The following TLK1 variants were observed in gnomAD, a reference collection of about 807,000 sequenced individuals.
TLK1 encodes tousled like kinase 1, also known as serine/threonine-protein kinase tousled-like 1.
In TLK1, 24 loss-of-function variants were observed where a neutral mutation model predicts 105.3. That is an observed-to-expected ratio of 0.23 (90% CI 0.17 to 0.32). The LOEUF is 0.32. Ranked by LOEUF, TLK1 falls within the 10% of genes least tolerant of loss-of-function variation. TLK1 has a pLI of 1.00. For missense variants in TLK1, 558 were observed against 910.5 expected (o/e 0.61, Z 4.98); for synonymous variants, 321 against 310.4 (o/e 1.03, Z -0.36).
In TLK1 at chr2:170,992,663, CTTGA is replaced by C. The variant is rs1292989479; in HGVS notation, c.*1113_*1116del. 1.3e-5 allele frequency: 2 copies of C among 152,540 alleles called. No individual in the cohort carries two copies. Among genetic ancestry groups the C allele is most frequent in the East Asian group, 1.9e-4 (1 of 5,198 alleles). 9.4% of individuals were successfully genotyped at this position (152,540 alleles called of 1,614,324 possible). A position where few individuals can be genotyped will look rare whatever the true frequency, so the allele number is the denominator to read the frequency against. On this transcript the variant is annotated 3_prime_UTR_variant, in exon 21 of 21. Transcript: ENST00000431350. Reference sequence around the variant, plus strand: ...TGTCCAACATGGATCACTTTTACATCTTGATTGTTAATGACTGTCTGCTTTTTAA... The same window carrying C: ...TGTCCAACATGGATCACTTTTACATCTTGTTAATGACTGTCTGCTTTTTAA...
At chr2:171,103,718 T>C (rs937987454) in intron 2 of TLK1, among the ~76,000 whole-genome samples, 5 of 152,214 alleles carry the variant, frequency 3.3e-5, no homozygotes, top group Admixed American at 2.6e-4. Flanking sequence ...TCTTATATAA[T>C]AGCAGATAAA....
chr2:171,144,489 T>C (rs924056403), intron 1 of TLK1, among the ~76,000 whole-genome samples: 9 of 152,070 alleles, frequency 5.9e-5, no homozygotes, highest in Admixed American at 1.3e-4. Context: ...CTGATCACAA[T>C]AGAATTAAAT....
chr2:171,073,877 C>CA lies in TLK1; in HGVS notation c.330+8903_330+8904insT, dbSNP rs1553472998. Among the ~76,000 whole-genome samples the CA allele has an allele frequency of 4.6e-4, 43 of 92,650 alleles. 1 individual carries two copies. Among genetic ancestry groups the CA allele is most frequent in the African/African-American group, 1.3e-3 (42 of 33,362 alleles). 60.8% of individuals were successfully genotyped at this position (92,650 alleles called of 152,430 possible). A position where few individuals can be genotyped will look rare whatever the true frequency, so the allele number is the denominator to read the frequency against. On this transcript the variant is annotated intron_variant, in intron 3 of 20. Coordinates refer to ENST00000431350, the MANE Select transcript of TLK1 (RefSeq NM_012290.5). Reference sequence around the variant, plus strand: ...GAAGAGAATAAACTTAACATTCCCCCCCCCCCTCCTTTTTTTTTCTTTCTT... The same window carrying CA: ...GAAGAGAATAAACTTAACATTCCCCCACCCCCCTCCTTTTTTTTTCTTTCTT...
At chr2:171,096,928 G>A (rs1221854430) in intron 2 of TLK1, among the ~76,000 whole-genome samples, 1 of 152,146 alleles carries the variant, frequency 6.6e-6, no homozygotes, top group Non-Finnish European at 1.5e-5. Context: ...TACAGATTCA[G>A]TGTAATCCTA....
At chr2:171,004,030 C>A (rs1292289335) in intron 18 of TLK1, among the ~76,000 whole-genome samples, 1 of 152,118 alleles carries the variant, frequency 6.6e-6, no homozygotes, top group Non-Finnish European at 1.5e-5. Flanking sequence ...TCTCAGCTCA[C>A]TGCAACCTCT....
At chr2:171,030,636 ACTG>A (rs1486468140) in intron 11 of TLK1, among the ~76,000 whole-genome samples, 2 of 152,210 alleles carry the variant, frequency 1.3e-5, no homozygotes, top group Admixed American at 1.3e-4. Context: ...TGCCTATGAT[ACTG>A]CTATTATATA....
At chr2:171,071,771 G>A (rs1463823571) in intron 3 of TLK1, among the ~76,000 whole-genome samples, 2 of 152,118 alleles carry the variant, frequency 1.3e-5, no homozygotes, top group African/African-American at 2.4e-5. Flanking sequence ...GTGAGAGATA[G>A]GGGATCTAGT....
At chr2:171,069,674 C>G (rs548536969) in intron 3 of TLK1, among the ~76,000 whole-genome samples, 1 of 152,216 alleles carries the variant, frequency 6.6e-6, no homozygotes, top group East Asian at 1.9e-4. Context: ...GTAGTTGGTA[C>G]ATAAAACTAA....
intron 1 of TLK1, among the ~76,000 whole-genome samples, chr2:171,176,722 T>C (rs564202735): frequency 6.6e-6 from 1 of 152,344 alleles, no homozygotes; most frequent in African/African-American, 2.4e-5. Flanking sequence ...ATTCCTGCCC[T>C]ACATTGCCCT....
chr2:171,024,257 TTTTA>T (rs2105386940), intron 12 of TLK1, among the ~76,000 whole-genome samples: 1 of 152,260 alleles, frequency 6.6e-6, no homozygotes, highest in African/African-American at 2.4e-5. Context: ...TTATTTGAGT[TTTTA>T]TTTAAAAATG....
chr2:171,029,935 G>A (rs1368194156), intron 11 of TLK1, among the ~76,000 whole-genome samples: 2 of 152,116 alleles, frequency 1.3e-5, no homozygotes, highest in African/African-American at 2.4e-5. Context: ...TAGTAGAGAC[G>A]GAGTTTTGCC....
At chr2:171,166,300 A>G (rs1018072189) in intron 1 of TLK1, among the ~76,000 whole-genome samples, 2 of 152,194 alleles carry the variant, frequency 1.3e-5, no homozygotes, top group Non-Finnish European at 2.9e-5. Context: ...TTAATACCCA[A>G]CATCTAGCAC....
chr2:171,103,406 T>C (rs2217154), intron 2 of TLK1, among the ~76,000 whole-genome samples: 58,893 of 151,254 alleles, frequency 0.39, 12,842 homozygotes, highest in African/African-American at 0.57. Context: ...GATTCCTGAG[T>C]AGATGGGATT....
Position 171,046,224 on chromosome 2 carries a change from T to C in TLK1, c.1119A>G (p.Ala373=). The part of the protein sequence containing the change: ...NSEPKQRKNK[A]VNGAENDPFV... The stretch of plus-strand genomic sequence containing the variant: ...AGGGATCATTCTCTGCTCCATTGAC[T>C]GCTTTGTTTTTCCTTTGTTTTGGTT... Residue 373 remains alanine (A), a synonymous_variant, in exon 11 of 21, where the codon GCA becomes GCG. Coordinates refer to ENST00000431350, the MANE Select transcript of TLK1 (RefSeq NM_012290.5). 1 of 1,612,776 alleles carries C rather than the reference T, an allele frequency of 6.2e-7. No homozygotes were observed. Among genetic ancestry groups the C allele is most frequent in the South Asian group, 1.1e-5 (1 of 90,842 alleles).
chr2:171,037,983 T>C (rs1376356383), intron 11 of TLK1, among the ~76,000 whole-genome samples: 2 of 152,210 alleles, frequency 1.3e-5, no homozygotes, highest in Admixed American at 6.5e-5. Context: ...TATTTGGACC[T>C]GCAGTTTTTC....
intron 2 of TLK1, among the ~76,000 whole-genome samples, chr2:171,086,230 T>G (rs1688965895): frequency 6.6e-6 from 1 of 152,146 alleles, no homozygotes; most frequent in South Asian, 2.1e-4. Context: ...ATACCTTATT[T>G]TCTACAGATA....
rs578044831 is a variant in TLK1 at position 171,102,207 on chromosome 2, T to C, written c.258+15532A>G. 5.3e-5 allele frequency among the ~76,000 whole-genome samples: 8 copies of C among 152,290 alleles called. No homozygotes were observed. In the East Asian group the frequency reaches 1.5e-3, roughly 29 times the overall value. Reference sequence around the variant, plus strand: ...CCTTTCTTTCAAACAGGTGAGTACGTACCAGATTCTAGTAAATCCTCAATT... The same window carrying C: ...CCTTTCTTTCAAACAGGTGAGTACGCACCAGATTCTAGTAAATCCTCAATT... On this transcript the variant is annotated intron_variant, in intron 2 of 20. Coordinates refer to ENST00000431350, the MANE Select transcript of TLK1 (RefSeq NM_012290.5).
intron 1 of TLK1, among the ~76,000 whole-genome samples, chr2:171,170,864 A>G (rs577961612): frequency 3.2e-4 from 49 of 152,346 alleles, no homozygotes; most frequent in South Asian, 1.9e-3. Context: ...TTCATCAATT[A>G]AACTAAAAAG....
chr2:171,058,226 T>G (rs1226278254), intron 4 of TLK1, 29 bp from the exon 5 acceptor site: 2 of 1,610,136 alleles, frequency 1.2e-6, no homozygotes, highest in Middle Eastern at 1.6e-4. Flanking sequence ...ATGATGTTAG[T>G]AGGGTAGTGA....
Sources: gnomAD v4.1 joint callset for allele counts (sites outside exome capture counted in the v4.1 genomes callset) on GRCh38, gnomAD v4.1.1 for gene constraint, MANE v1.5 for transcripts, NCBI Gene and HGNC (gene_info 2026-07-23, HGNC 2026-07-21) for gene names.